ANXA10: variants seen among roughly 807,000 people sequenced by gnomAD.
ANXA10 encodes the protein annexin A10.
Under a neutral mutation model 53.5 loss-of-function variants are expected in ANXA10, and 49 were observed. The ratio of observed to expected loss-of-function variants is 0.92; its 90% CI spans 0.73 to 1.16. ANXA10 has a LOEUF of 1.16. Among genes scored for constraint, ANXA10 ranks in the 50% most tolerant of loss-of-function variants. The pLI, the probability that ANXA10 is intolerant of heterozygous loss-of-function variation, is 0.00. For synonymous variants in ANXA10, 131 were observed against 128.9 expected (o/e 1.02, Z -0.11); for missense variants, 393 against 394.4 (o/e 1.00, Z 0.03).
chr4:168,138,959 A>G (rs765938073), intron 2 of ANXA10, among the ~76,000 whole-genome samples: 4 of 152,194 alleles, frequency 2.6e-5, no homozygotes, highest in Non-Finnish European at 5.9e-5. Context: ...CTGAAACTTT[A>G]CTGAAGTCAT....
chr4:168,141,813 C>G (rs917822642), intron 3 of ANXA10, among the ~76,000 whole-genome samples: 1 of 152,134 alleles, frequency 6.6e-6, no homozygotes, highest in African/African-American at 2.4e-5. Flanking sequence ...TGTCTCAAGT[C>G]TCTGCCTTTT....
intron 11 of ANXA10, among the ~76,000 whole-genome samples, chr4:168,185,604 T>C (rs1732355623): frequency 1.3e-5 from 2 of 152,206 alleles, no homozygotes. Flanking sequence ...CCTCAGAATA[T>C]ATAGGACCAT....
intron 3 of ANXA10, among the ~76,000 whole-genome samples, chr4:168,148,505 C>T (rs1385024249): frequency 6.6e-6 from 1 of 152,146 alleles, no homozygotes; most frequent in East Asian, 1.9e-4. Flanking sequence ...GAAATGGACT[C>T]TATCTTACTT....
chr4:168,182,765 C>T (rs959533357), intron 10 of ANXA10, among the ~76,000 whole-genome samples: 1 of 150,020 alleles, frequency 6.7e-6, no homozygotes, highest in Non-Finnish European at 1.5e-5. Flanking sequence ...AATCCCAGCA[C>T]TTTGGGAGGC....
intron 6 of ANXA10, among the ~76,000 whole-genome samples, chr4:168,174,908 T>C (rs929081370): frequency 3.3e-5 from 5 of 152,260 alleles, no homozygotes; most frequent in Middle Eastern, 3.4e-3. Flanking sequence ...GAATTGGCAA[T>C]TGGAATATAC....
chr4:168,106,679 A>C (rs1730724447), intron 1 of ANXA10, among the ~76,000 whole-genome samples: 2 of 152,180 alleles, frequency 1.3e-5, no homozygotes, highest in Admixed American at 1.3e-4. Context: ...AGTCTGCTTT[A>C]CTGCCTTACT....
At chr4:168,140,649 G>A (rs530097906) in intron 3 of ANXA10, among the ~76,000 whole-genome samples, 222 of 149,088 alleles carry the variant, frequency 1.5e-3, no homozygotes, top group African/African-American at 4.9e-3. Context: ...ATGGAGTTTC[G>A]CTCCTGTTGT....
At chr4:168,104,945 T>C (rs1730695911) in intron 1 of ANXA10, among the ~76,000 whole-genome samples, 1 of 151,910 alleles carries the variant, frequency 6.6e-6, no homozygotes, top group Non-Finnish European at 1.5e-5. Context: ...CTAATATATT[T>C]ATATTTAATG....
chr4:168,156,083 ATATAATATT>A, intron 3 of ANXA10, among the ~76,000 whole-genome samples: 1 of 68,648 alleles, frequency 1.5e-5, no homozygotes, highest in African/African-American at 5.9e-5. Context: ...TATATATTAT[ATATAATATT>A]TATTATATAT....
intron 6 of ANXA10, among the ~76,000 whole-genome samples, chr4:168,169,880 C>G (rs1256788583): frequency 2.0e-5 from 3 of 152,162 alleles, no homozygotes; most frequent in Non-Finnish European, 4.4e-5. Flanking sequence ...TAACTGACAT[C>G]TAAGAATTAG....
chr4:168,155,778 AT>A (rs1731622076), intron 3 of ANXA10, among the ~76,000 whole-genome samples: 4 of 8,822 alleles, frequency 4.5e-4, no homozygotes, highest in African/African-American at 2.7e-3. Context: ...TATATCATAT[AT>A]TATATATTAT....
At chr4:168,157,701 T>C (rs554212120) in intron 3 of ANXA10, among the ~76,000 whole-genome samples, 16 of 152,314 alleles carry the variant, frequency 1.1e-4, no homozygotes, top group Middle Eastern at 3.4e-3. Flanking sequence ...TTTCTAGAAT[T>C]TAATATAAAT....
In ANXA10 at chr4:168,187,527, A is replaced by G; in HGVS notation, c.*93A>G. ...AATTTGTACTGTTCATGGCACTATT[A>G]ACAAAACTATACAATCATATTTTCT... On this transcript the variant is annotated 3_prime_UTR_variant, in exon 12 of 12. Transcript: ENST00000359299. The G allele has an allele frequency of 2.8e-6, 2 of 706,296 alleles. No individual in the cohort carries two copies. The highest frequency in any genetic ancestry group is 6.4e-5 in the South Asian group (2 of 31,014). The allele number at this position is 706,296 out of a possible 1,614,324, so 43.8% of individuals were successfully genotyped here. A position where few individuals can be genotyped will look rare whatever the true frequency, so the allele number is the denominator to read the frequency against.
intron 2 of ANXA10, among the ~76,000 whole-genome samples, chr4:168,130,754 A>G (rs1257749040): frequency 2.0e-5 from 3 of 151,932 alleles, no homozygotes; most frequent in African/African-American, 4.8e-5. Flanking sequence ...AGAGTTATTA[A>G]TAATATTTTA....
At chr4:168,179,926 C>A (rs1432259923) in intron 9 of ANXA10, among the ~76,000 whole-genome samples, 1 of 152,184 alleles carries the variant, frequency 6.6e-6, no homozygotes, top group African/African-American at 2.4e-5. Context: ...CTACCTTTGT[C>A]TTGTACTGTG....
chr4:168,121,362 C>T (rs776367250), intron 1 of ANXA10, among the ~76,000 whole-genome samples: 2 of 151,996 alleles, frequency 1.3e-5, no homozygotes, highest in Admixed American at 1.3e-4. Context: ...ATTGTGTATA[C>T]GTATTTAATT....
chr4:168,173,384 G>A (rs879833889), intron 6 of ANXA10, among the ~76,000 whole-genome samples: 4 of 152,176 alleles, frequency 2.6e-5, no homozygotes, highest in Non-Finnish European at 4.4e-5. Context: ...AAGGACTTTG[G>A]CTTTTCCTTT....
intron 3 of ANXA10, among the ~76,000 whole-genome samples, chr4:168,147,627 T>C (rs777058797): frequency 6.6e-5 from 10 of 152,228 alleles, no homozygotes; most frequent in Admixed American, 6.5e-4. Flanking sequence ...TATACTAGTC[T>C]AAAGGTCTCC....
intron 3 of ANXA10, among the ~76,000 whole-genome samples, chr4:168,158,423 T>C (rs1731725781): frequency 2.0e-5 from 3 of 152,218 alleles, no homozygotes; most frequent in African/African-American, 4.8e-5. Context: ...GGTTTTTATT[T>C]CAAAGAAGTT....
Sources: gnomAD v4.1 joint callset for allele counts (sites outside exome capture counted in the v4.1 genomes callset) on GRCh38, gnomAD v4.1.1 for gene constraint, MANE v1.5 for transcripts, NCBI Gene and HGNC (gene_info 2026-07-23, HGNC 2026-07-21) for gene names.